The following PRKN variants were observed in gnomAD, a reference collection of about 807,000 sequenced individuals.
The protein encoded by PRKN is parkin RBR E3 ubiquitin protein ligase.
A neutral mutation model predicts 59.5 loss-of-function variants in PRKN; 56 were observed. The ratio of observed to expected loss-of-function variants is 0.94; its 90% CI spans 0.76 to 1.18. The LOEUF is 1.18. PRKN is among the 50% of genes most tolerant of loss of function. The pLI is 0.00. For missense variants in PRKN, 657 were observed against 596.4 expected, an observed-to-expected ratio of 1.10 and a Z score of -1.06; for synonymous variants, 250 against 222.1, an observed-to-expected ratio of 1.13 and a Z score of -1.12.
intron 5 of PRKN, among the ~76,000 whole-genome samples, chr6:162,025,583 C>CTTTTTGTTTT (rs1783401658): frequency 1.7e-5 from 1 of 59,006 alleles, no homozygotes; most frequent in African/African-American, 7.3e-5. Flanking sequence ...ATCCATGGTG[C>CTTTTTGTTTT]TTTTTTTTTT....
intron 5 of PRKN, among the ~76,000 whole-genome samples, chr6:161,984,583 C>T (rs891271349): frequency 9.9e-5 from 15 of 152,204 alleles, no homozygotes; most frequent in Middle Eastern, 3.4e-3. Context: ...TTTAGCAGTG[C>T]CCATAGGCAC....
intron 1 of PRKN, chr6:162,569,175 C>G: frequency 1.7e-6 from 1 of 587,446 alleles, no homozygotes; most frequent in Non-Finnish European, 3.2e-6. Context: ...GTATAAGGAG[C>G]TGCAGATGCA....
Position 161,576,111 on chromosome 6 carries a change from G to A in PRKN, c.872-6695C>T, listed in dbSNP as rs192396677. On this transcript the variant is annotated intron_variant, in intron 7 of 11. Transcript: ENST00000366898. The surrounding 1 kb of genome is among the most constrained non-coding windows in gnomAD (Gnocchi z 4.6). Reference sequence around the variant, plus strand: ...TTCTGAATTAGTCTGAGAGCCAGGCGTTAATAGGATCCCTGGAAAACTCAC... The same window carrying A: ...TTCTGAATTAGTCTGAGAGCCAGGCATTAATAGGATCCCTGGAAAACTCAC... 2.4e-3 allele frequency among the ~76,000 whole-genome samples: 362 copies of A among 152,302 alleles called. 1 individual carries two copies. Among genetic ancestry groups the A allele is most frequent in the African/African-American group, 7.5e-3 (310 of 41,578 alleles).
intron 6 of PRKN, among the ~76,000 whole-genome samples, chr6:161,821,716 G>GTTTTTTTTTTTTTTTTTTTT (rs1792033783): frequency 1.4e-5 from 1 of 72,572 alleles, no homozygotes; most frequent in Non-Finnish European, 2.7e-5. Context: ...TTCCACTGGT[G>GTTTTTTTTTTTTTTTTTTTT]TTCTTTTTTT....
In PRKN at chr6:162,503,136, C is replaced by CT. The variant is rs10629175; in HGVS notation, c.8-59664dup. ...ACCCTACAGAAAATAGTCTTCATTT[C>CT]TTTTTTTTTTTTTTTTTTTTTTTGT... On this transcript the variant is annotated intron_variant, in intron 1 of 11. Transcript: ENST00000366898. Among the ~76,000 whole-genome samples the CT allele has an allele frequency of 4.6e-3, 371 of 81,116 alleles. 1 individual carries two copies. The highest frequency in any genetic ancestry group is 0.012 in the East Asian group (36 of 3,034). The allele number at this position is 81,116 out of a possible 152,430, so 53.2% of individuals were successfully genotyped here.
intron 2 of PRKN, among the ~76,000 whole-genome samples, chr6:162,310,063 T>C (rs1266156453): frequency 6.6e-6 from 1 of 152,184 alleles, no homozygotes; most frequent in African/African-American, 2.4e-5. Flanking sequence ...TATGGCTGCA[T>C]AGTATTCAAT....
chr6:162,646,291 T>C (rs2803105), intron 1 of PRKN, among the ~76,000 whole-genome samples: 1 of 151,168 alleles, frequency 6.6e-6, no homozygotes, highest in Non-Finnish European at 1.5e-5. Context: ...TATTTTTTCA[T>C]AGACAGAGTC....
Position 161,574,291 on chromosome 6 carries a change from G to A in PRKN, c.872-4875C>T, listed in dbSNP as rs149994016. On this transcript the variant is annotated intron_variant, in intron 7 of 11. Coordinates refer to ENST00000366898, the MANE Select transcript of PRKN (RefSeq NM_004562.3). ...CATTCGCGTAGGGAGACAGGAAAACGTTAGCGGAGGGGGCGGAGGTGGCAG... is the reference window on the plus strand; with the variant it reads ...CATTCGCGTAGGGAGACAGGAAAACATTAGCGGAGGGGGCGGAGGTGGCAG... 4.4e-3 allele frequency among the ~76,000 whole-genome samples: 666 copies of A among 152,210 alleles called. 6 individuals are homozygous for A. The highest frequency in any genetic ancestry group is 0.015 in the African/African-American group (637 of 41,538).
At chr6:162,446,609 C>T (rs889419848) in intron 1 of PRKN, among the ~76,000 whole-genome samples, 1 of 152,058 alleles carries the variant, frequency 6.6e-6, no homozygotes, top group African/African-American at 2.4e-5. Flanking sequence ...GTAAATCTAA[C>T]ATACAATATA....
At chr6:162,713,501 A>T (rs2128239126) in intron 1 of PRKN, among the ~76,000 whole-genome samples, 1 of 151,476 alleles carries the variant, frequency 6.6e-6, no homozygotes, top group South Asian at 2.1e-4. Flanking sequence ...CTCAAAAAAA[A>T]AAAAAAAAAA....
rs1457596046 is a variant in PRKN, at chr6:162,485,945, T to C, written c.8-42472A>G. Among the ~76,000 whole-genome samples, 3 of 152,224 alleles carry C rather than the reference T, an allele frequency of 2.0e-5. No individual in the cohort carries two copies. The East Asian group carries it at 5.8e-4, about 29-fold the overall frequency. On this transcript the variant is annotated intron_variant, in intron 1 of 11. Coordinates refer to ENST00000366898, the MANE Select transcript of PRKN (RefSeq NM_004562.3). ...TCGCATATGCAAAGCCTGTTTTACG[T>C]CAAATGATTGTCAGTGGCTATTAAG...
intron 6 of PRKN, among the ~76,000 whole-genome samples, chr6:161,829,840 A>C (rs1792405022): frequency 7.1e-6 from 1 of 140,364 alleles, no homozygotes; most frequent in African/African-American, 3.0e-5. Flanking sequence ...GCCACTTAGC[A>C]CTAAATGCCA....
chr6:162,341,402 A>C (rs1784171875), intron 2 of PRKN, among the ~76,000 whole-genome samples: 1 of 152,202 alleles, frequency 6.6e-6, no homozygotes, highest in Non-Finnish European at 1.5e-5. Context: ...CAATCCCATT[A>C]CTGGGTATAT....
rs1033751117 is a variant in PRKN at position 161,527,215 on chromosome 6, C to T, written c.1083+21639G>A. On this transcript the variant is annotated intron_variant, in intron 9 of 11. Coordinates refer to ENST00000366898, the MANE Select transcript of PRKN (RefSeq NM_004562.3). The surrounding 1 kb of genome is among the most constrained non-coding windows in gnomAD (Gnocchi z 4.6). Reference sequence around the variant, plus strand: ...AAAGAACAGCTATTCAGAGGCACTTCTGTGTCTGCAACTTCTCAGAATAAC... The same window carrying T: ...AAAGAACAGCTATTCAGAGGCACTTTTGTGTCTGCAACTTCTCAGAATAAC... Among the ~76,000 whole-genome samples the T allele has an allele frequency of 5.3e-5, 8 of 152,172 alleles. No homozygotes were observed. The highest frequency in any genetic ancestry group is 1.9e-4 in the African/African-American group (8 of 41,440).
chr6:161,977,320 C>G (rs1784585), intron 5 of PRKN, among the ~76,000 whole-genome samples: 34,936 of 151,914 alleles, frequency 0.23, 4,235 homozygotes, highest in South Asian at 0.27. Flanking sequence ...ACGTCTCTCT[C>G]AGGGTTGAAG....
chr6:162,684,954 G>C (rs1779913515), intron 1 of PRKN, among the ~76,000 whole-genome samples: 1 of 152,024 alleles, frequency 6.6e-6, no homozygotes, highest in Non-Finnish European at 1.5e-5. Flanking sequence ...TTTAAGCCTA[G>C]TGTTTTTCAT....
At chr6:162,332,035 C>T (rs1583393794) in intron 2 of PRKN, among the ~76,000 whole-genome samples, 2 of 152,140 alleles carry the variant, frequency 1.3e-5, no homozygotes, top group East Asian at 3.9e-4. Flanking sequence ...AATGTCACCC[C>T]TACTCTTCCT....
chr6:161,855,082 CAAAAAAAAAAAAAAAAGAAAAA>C (rs1033323016), intron 6 of PRKN, among the ~76,000 whole-genome samples: 11 of 45,648 alleles, frequency 2.4e-4, no homozygotes, highest in African/African-American at 8.7e-4. Context: ...GACTTCATCT[CAAAAAAAAAAAAAAAAGAAAAA>C]AAAAAAGAAA....
At chr6:161,936,874 C>T (rs1562402179) in intron 6 of PRKN, among the ~76,000 whole-genome samples, 1 of 151,750 alleles carries the variant, frequency 6.6e-6, no homozygotes, top group African/African-American at 2.4e-5. Context: ...AAACCTCCAC[C>T]TCCCGGGTGC....
Sources: gnomAD v4.1 joint callset for allele counts (sites outside exome capture counted in the v4.1 genomes callset) on GRCh38, gnomAD v4.1.1 for gene constraint, Gnocchi (gnomAD v3.1) non-coding constraint, MANE v1.5 for transcripts, NCBI Gene and HGNC (gene_info 2026-07-23, HGNC 2026-07-21) for gene names.